The following NAV3 variants were observed in gnomAD, a reference collection of about 807,000 sequenced individuals.
NAV3 encodes the protein neuron navigator 3.
A neutral mutation model predicts 244.7 loss-of-function variants in NAV3; 87 were observed. The observed-to-expected ratio is 0.36, with a 90% confidence interval of 0.30 to 0.42. NAV3 has a LOEUF of 0.42. Ranked by LOEUF, NAV3 falls within the 20% of genes least tolerant of loss-of-function variation. NAV3 has a pLI of 1.00. For synonymous variants in NAV3, 1,126 were observed against 1,042.2 expected, an observed-to-expected ratio of 1.08 and a Z score of -1.55; for missense variants, 2,663 against 2,893.3, an observed-to-expected ratio of 0.92 and a Z score of 1.83.
intron 2 of NAV3, among the ~76,000 whole-genome samples, chr12:77,788,382 G>A (rs1255829469): frequency 6.6e-6 from 1 of 152,174 alleles, no homozygotes; most frequent in Non-Finnish European, 1.5e-5. Context: ...GTGGCCAGTA[G>A]ATGCAACACC....
chr12:77,792,931 C>T (rs1431123193), intron 2 of NAV3, among the ~76,000 whole-genome samples: 1 of 152,114 alleles, frequency 6.6e-6, no homozygotes, highest in African/African-American at 2.4e-5. Context: ...TACTATGGCC[C>T]TTCAAGTGTG....
intron 2 of NAV3, among the ~76,000 whole-genome samples, chr12:77,638,135 T>C (rs561460596): frequency 1.3e-5 from 2 of 152,202 alleles, no homozygotes; most frequent in Non-Finnish European, 2.9e-5. Context: ...CTAAGTCTTA[T>C]GAGGAAAATT....
At chr12:77,840,390 T>C (rs575137790) in intron 1 of NAV3, among the ~76,000 whole-genome samples, 17 of 152,058 alleles carry the variant, frequency 1.1e-4, no homozygotes, top group Non-Finnish European at 2.2e-4. Flanking sequence ...AAATAAAATA[T>C]ATAAAGAGCC....
rs183881068 is a variant in NAV3, at chr12:77,714,939, A to G, written c.72+142673A>G. ...ATTCACGAAGTACCTTTACTTAAAA[A>G]TATGATATTTACTTTTCATGATTTA... On this transcript the variant is annotated intron_variant, in intron 2 of 8. Transcript: ENST00000550042. Among the ~76,000 whole-genome samples the G allele has an allele frequency of 3.2e-3, 494 of 152,232 alleles. 1 individual carries two copies. Among genetic ancestry groups the G allele is most frequent in the Non-Finnish European group, 5.3e-3 (359 of 67,950 alleles).
In NAV3 at chr12:77,725,347, A is replaced by G. The variant is rs570147096; in HGVS notation, c.72+153081A>G. 2.0e-5 allele frequency among the ~76,000 whole-genome samples: 3 copies of G among 152,146 alleles called. No homozygotes were observed. The South Asian group carries it at 6.2e-4, about 32-fold the overall frequency. On this transcript the variant is annotated intron_variant, in intron 2 of 8. Coordinates refer to the NAV3 transcript ENST00000550042. ...AGACATTTTTAAAAGTTCTTTTGTA[A>G]TATTCATATAACTGACGAAAATGTG...
At chr12:78,187,431 A>G (rs887066598) in intron 31 of NAV3, among the ~76,000 whole-genome samples, 1 of 151,886 alleles carries the variant, frequency 6.6e-6, no homozygotes, top group Non-Finnish European at 1.5e-5. Flanking sequence ...ATCTAATTAT[A>G]TCTACTGGAA....
intron 2 of NAV3, among the ~76,000 whole-genome samples, chr12:77,808,614 C>G (rs1208834503): frequency 1.3e-5 from 2 of 152,170 alleles, no homozygotes; most frequent in Non-Finnish European, 2.9e-5. Flanking sequence ...TCTATCGACC[C>G]CTGCTGGGAG....
chr12:77,658,005 T>C (rs1420197744), intron 2 of NAV3, among the ~76,000 whole-genome samples: 1 of 152,100 alleles, frequency 6.6e-6, no homozygotes, highest in Non-Finnish European at 1.5e-5. Flanking sequence ...AATATCATAC[T>C]GAATGGGCAA....
At chr12:77,834,160 C>A (rs1279695101) in intron 1 of NAV3, among the ~76,000 whole-genome samples, 1 of 152,132 alleles carries the variant, frequency 6.6e-6, no homozygotes, top group Non-Finnish European at 1.5e-5. Context: ...AACATAAATG[C>A]CTGTCCTCAC....
At chr12:77,670,513 A>G (rs1873921364) in intron 2 of NAV3, among the ~76,000 whole-genome samples, 1 of 152,140 alleles carries the variant, frequency 6.6e-6, no homozygotes, top group Non-Finnish European at 1.5e-5. Context: ...AATATTCCCT[A>G]TGAACATAGA....
At chr12:77,966,927 A>G (rs1892574391) in intron 4 of NAV3, among the ~76,000 whole-genome samples, 1 of 152,086 alleles carries the variant, frequency 6.6e-6, no homozygotes, top group Non-Finnish European at 1.5e-5. Flanking sequence ...TCACTTATAA[A>G]GGTGGCAAAA....
intron 2 of NAV3, among the ~76,000 whole-genome samples, chr12:77,745,051 G>T (rs767534243): frequency 1.3e-5 from 2 of 151,890 alleles, no homozygotes; most frequent in Non-Finnish European, 2.9e-5. Context: ...GGACAGTGAG[G>T]TGCTGCTACA....
At chr12:77,877,089 A>G (rs900389632) in intron 1 of NAV3, among the ~76,000 whole-genome samples, 31 of 152,254 alleles carry the variant, frequency 2.0e-4, no homozygotes, top group African/African-American at 7.2e-4. Flanking sequence ...GTAATATTTT[A>G]AAGTTACTTA....
rs574789027 is a variant in NAV3, at chr12:77,605,764, C to G, written c.72+33498C>G. 2.5e-4 allele frequency among the ~76,000 whole-genome samples: 38 copies of G among 151,860 alleles called. 1 individual carries two copies. Among genetic ancestry groups the G allele is most frequent in the Admixed American group, 2.2e-3 (33 of 15,236 alleles). ...CTGAGGCAGGAGAATCACTTGAACC[C>G]AGAGGCAGAGGTTGCAGTGAGCTGA... On this transcript the variant is annotated intron_variant, in intron 2 of 8. Transcript: ENST00000550042.
At chr12:77,953,716 T>C (rs758816486) in intron 3 of NAV3, among the ~76,000 whole-genome samples, 1 of 152,066 alleles carries the variant, frequency 6.6e-6, no homozygotes, top group Admixed American at 6.6e-5. Context: ...AAACTGCACC[T>C]CTCATCCTCT....
In NAV3 at chr12:78,122,405, T is replaced by A. The variant is rs1955713602; in HGVS notation, c.4215T>A (p.Ser1405Arg). ...EVQSLLMRTG[S>R]VRSTLSESMQ... Reference sequence around the variant, plus strand: ...AGAGCCTGCTCATGAGAACGGGTAGTGTGAGATCTACTCTCTCAGAAAGGT... The same window carrying A: ...AGAGCCTGCTCATGAGAACGGGTAGAGTGAGATCTACTCTCTCAGAAAGGT... Residue 1405 changes from serine (S) to arginine (R), a missense_variant, in exon 16 of 40, where the codon AGT (serine) becomes AGA (arginine). Coordinates refer to ENST00000397909, the MANE Select transcript of NAV3 (RefSeq NM_001024383.2). The A allele has an allele frequency of 6.2e-7, 1 of 1,606,850 alleles. No homozygotes were observed. The highest frequency in any genetic ancestry group is 8.5e-7 in the Non-Finnish European group (1 of 1,177,462).
chr12:78,184,978 T>C (rs1225932015), intron 30 of NAV3, among the ~76,000 whole-genome samples: 1 of 151,852 alleles, frequency 6.6e-6, no homozygotes, highest in East Asian at 1.9e-4. Flanking sequence ...TTTATCATGC[T>C]TCTGTAACTC....
chr12:77,966,010 C>T (rs1892479969), intron 3 of NAV3, among the ~76,000 whole-genome samples: 1 of 152,142 alleles, frequency 6.6e-6, no homozygotes, highest in South Asian at 2.1e-4. Context: ...CTTTATCAGG[C>T]CTTTATGAAT....
intron 9 of NAV3, chr12:78,036,798 G>T (rs1879955118): frequency 1.6e-6 from 1 of 614,292 alleles, no homozygotes; most frequent in South Asian, 1.9e-5. Context: ...AAATGGATCA[G>T]TTACAATCAC....
Sources: allele counts gnomAD v4.1 joint callset (sites outside exome capture counted in the v4.1 genomes callset), GRCh38; gene constraint gnomAD v4.1.1; transcripts MANE v1.5; gene names NCBI Gene and HGNC (gene_info 2026-07-23, HGNC 2026-07-21).